Variants in TENM2 observed in about 807,000 individuals in gnomAD.
TENM2 encodes the protein teneurin transmembrane protein 2, also known as teneurin-2.
Under a neutral mutation model 245.2 loss-of-function variants are expected in TENM2, and 52 were observed. The ratio of observed to expected loss-of-function variants is 0.21; its 90% CI spans 0.17 to 0.27. TENM2 has a LOEUF of 0.27. TENM2 is among the 10% of genes least tolerant of loss of function. TENM2 has a pLI of 1.00. For synonymous variants in TENM2, 1,363 were observed against 1,438.9 expected, an observed-to-expected ratio of 0.95 and a Z score of 1.19; for missense variants, 3,046 against 3,666.8, an observed-to-expected ratio of 0.83 and a Z score of 4.37.
chr5:167,413,229 T>G (rs185895096), intron 2 of TENM2, among the ~76,000 whole-genome samples: 428 of 152,244 alleles, frequency 2.8e-3, no homozygotes, highest in African/African-American at 9.7e-3. Flanking sequence ...TCTATTACAG[T>G]GTTACAAGTT....
At chr5:167,039,709 A>G in the TENM2 span, among the ~76,000 whole-genome samples, 1 of 144,858 alleles carries the variant, frequency 6.9e-6, no homozygotes, top group Non-Finnish European at 1.5e-5. Context: ...AAGTGTTAGC[A>G]TTGGTTTCAC....
At chr5:167,926,737 C>T (rs547322969) in intron 3 of TENM2, among the ~76,000 whole-genome samples, 1 of 149,866 alleles carries the variant, frequency 6.7e-6, no homozygotes, top group East Asian at 1.9e-4. Context: ...CACACACACA[C>T]ACACACACAC....
chr5:168,064,908 T>G (rs1462204669), intron 7 of TENM2, among the ~76,000 whole-genome samples: 1 of 152,214 alleles, frequency 6.6e-6, no homozygotes, highest in African/African-American at 2.4e-5. Flanking sequence ...ATTCTCACAT[T>G]CATTCGCTGT....
chr5:168,050,524 C>A (rs1788985503), intron 6 of TENM2, among the ~76,000 whole-genome samples: 1 of 152,210 alleles, frequency 6.6e-6, no homozygotes, highest in Non-Finnish European at 1.5e-5. Context: ...AATGTTTTAA[C>A]CAAGATACAC....
At chr5:167,457,834 T>A (rs1766015689) in intron 2 of TENM2, among the ~76,000 whole-genome samples, 1 of 152,240 alleles carries the variant, frequency 6.6e-6, no homozygotes, top group Non-Finnish European at 1.5e-5. Context: ...GAGACTTTAA[T>A]CTGAGTTAGT....
the TENM2 span, among the ~76,000 whole-genome samples, chr5:167,236,290 G>A: frequency 2.4e-4 from 36 of 152,264 alleles, no homozygotes; most frequent in Middle Eastern, 3.4e-3. Flanking sequence ...GTGTATGTGC[G>A]TGTATTTTAA....
chr5:167,980,002 A>G (rs1250334348), intron 4 of TENM2, among the ~76,000 whole-genome samples: 2 of 152,170 alleles, frequency 1.3e-5, no homozygotes, highest in African/African-American at 4.8e-5. Context: ...ATCTTTCAAG[A>G]TCTTTTCAAG....
intron 2 of TENM2, among the ~76,000 whole-genome samples, chr5:167,685,320 C>T (rs1757000733): frequency 6.6e-6 from 1 of 152,168 alleles, no homozygotes; most frequent in African/African-American, 2.4e-5. Context: ...AAGCTCTGCC[C>T]TCCTGTTTTC....
intron 3 of TENM2, among the ~76,000 whole-genome samples, chr5:167,886,205 A>T (rs1463684937): frequency 6.6e-6 from 1 of 152,242 alleles, no homozygotes; most frequent in Non-Finnish European, 1.5e-5. Context: ...GTAATTTGCC[A>T]TAGGATACAT....
chr5:167,463,680 G>A (rs1323643244), intron 2 of TENM2, among the ~76,000 whole-genome samples: 1 of 151,964 alleles, frequency 6.6e-6, no homozygotes, highest in African/African-American at 2.4e-5. Flanking sequence ...TGTATTTTTA[G>A]TAGAGAAGGG....
At chr5:167,575,649 T>C (rs1443079306) in intron 2 of TENM2, among the ~76,000 whole-genome samples, 1 of 152,126 alleles carries the variant, frequency 6.6e-6, no homozygotes, top group Non-Finnish European at 1.5e-5. Context: ...AGATAATCTC[T>C]GGTGGAAGTT....
At chr5:167,427,717 G>A (rs1763939812) in intron 2 of TENM2, among the ~76,000 whole-genome samples, 1 of 129,302 alleles carries the variant, frequency 7.7e-6, no homozygotes, top group Non-Finnish European at 1.6e-5. Context: ...CGGGAGGGAA[G>A]GAAGGGAAGG....
At chr5:167,962,622 G>A (rs760136672) in intron 4 of TENM2, among the ~76,000 whole-genome samples, 1 of 152,216 alleles carries the variant, frequency 6.6e-6, no homozygotes, top group Non-Finnish European at 1.5e-5. Context: ...TTGACTGACA[G>A]TTCAGCATGA....
rs1338336069 is a variant in TENM2, at chr5:167,754,929, GC to G, written c.503-121055del. ...AGGGAGGAGGGAGAGAGCAGATATTGCCTATTATGCTTTTCCTTCCCAGCTG... is the reference window on the plus strand; with the variant it reads ...AGGGAGGAGGGAGAGAGCAGATATTGCTATTATGCTTTTCCTTCCCAGCTG... On this transcript the variant is annotated intron_variant, in intron 2 of 28. Coordinates refer to ENST00000518659, the Ensembl canonical transcript of TENM2. 3 of 1,283,572 alleles carry G rather than the reference GC, an allele frequency of 2.3e-6. No homozygotes were observed. In the Admixed American group the frequency reaches 6.3e-5, roughly 27 times the overall value. 79.5% of individuals were successfully genotyped at this position (1,283,572 alleles called of 1,614,324 possible). A position where few individuals can be genotyped will look rare whatever the true frequency, so the allele number is the denominator to read the frequency against.
At chr5:167,454,158 A>G (rs1388534871) in intron 2 of TENM2, among the ~76,000 whole-genome samples, 6 of 152,138 alleles carry the variant, frequency 3.9e-5, no homozygotes, top group African/African-American at 1.4e-4. Context: ...GAGTAGCACA[A>G]TGCCCTTGAA....
At chr5:168,112,338 GC>G (rs1425875483) in intron 9 of TENM2, among the ~76,000 whole-genome samples, 1 of 151,756 alleles carries the variant, frequency 6.6e-6, no homozygotes, top group African/African-American at 2.4e-5. Context: ...TAAGCCTAGC[GC>G]CCACTAGTTA....
At chr5:168,051,495 C>T (rs1440033887) in intron 6 of TENM2, among the ~76,000 whole-genome samples, 1 of 152,210 alleles carries the variant, frequency 6.6e-6, no homozygotes, top group African/African-American at 2.4e-5. Flanking sequence ...TGTATCATTG[C>T]CAATCCCATT....
chr5:167,743,744 A>G (rs1416557044), intron 2 of TENM2, among the ~76,000 whole-genome samples: 2 of 152,220 alleles, frequency 1.3e-5, no homozygotes, highest in African/African-American at 4.8e-5. Flanking sequence ...TAAGCTTGAT[A>G]GTTCGATTGG....
chr5:167,702,573 C>CAT (rs754600304), intron 2 of TENM2, among the ~76,000 whole-genome samples: 121 of 101,560 alleles, frequency 1.2e-3, no homozygotes, highest in East Asian at 3.5e-3. Context: ...TATATATATA[C>CAT]ATATATATAT....
Sources: gnomAD v4.1 joint callset for allele counts (sites outside exome capture counted in the v4.1 genomes callset) on GRCh38, gnomAD v4.1.1 for gene constraint, MANE v1.5 for transcripts, NCBI Gene and HGNC (gene_info 2026-07-23, HGNC 2026-07-21) for gene names.